Variants in CGREF1 observed in about 807,000 individuals in gnomAD.
CGREF1 encodes cell growth regulator with EF hand domain protein 1.
CGREF1 carries 16 observed loss-of-function variants against 17.4 expected under a neutral mutation model. The observed-to-expected ratio is 0.92, with a 90% CI of 0.62 to 1.40. The LOEUF (loss-of-function observed/expected upper bound fraction) is 1.40. CGREF1 is among the 40% of genes most tolerant of loss of function. CGREF1 has a pLI of 0.00. For synonymous variants in CGREF1, 142 were observed against 154.6 expected, an observed-to-expected ratio of 0.92 and a Z score of 0.61; for missense variants, 296 against 376.4, an observed-to-expected ratio of 0.79 and a Z score of 1.77.
At chr2:27,103,171 C>T in intron 2 of CGREF1, 1 of 946,668 alleles carries the variant, frequency 1.1e-6, no homozygotes, top group Non-Finnish European at 1.3e-6. Context: ...CCAAGTCAAT[C>T]CAGACCTGTG....
Position 27,102,610 on chromosome 2 carries a change from G to A in CGREF1, c.81-19C>T. 1 of 1,606,216 alleles carries A rather than the reference G, an allele frequency of 6.2e-7. No individual in the cohort carries two copies. The highest frequency in any genetic ancestry group is 1.1e-5 in the South Asian group (1 of 90,838). On this transcript the variant is annotated intron_variant, in intron 2 of 5. Coordinates refer to ENST00000402394, the MANE Select transcript of CGREF1 (RefSeq NM_006569.6). The stretch of plus-strand genomic sequence containing the variant: ...GTCTGGCCTGGAGGAGGAAGGGGAG[G>A]ACCAGCCTTGCAGAGAGCCTCCCTC...
intron 1 of CGREF1, among the ~76,000 whole-genome samples, chr2:27,116,037 A>AC (rs35049337): frequency 1.8e-3 from 267 of 150,614 alleles, no homozygotes; most frequent in South Asian, 8.9e-3. Context: ...GCAAAATGAG[A>AC]CCCCCCCCAT....
At chr2:27,103,534 G>A (rs968424767) in intron 2 of CGREF1, among the ~76,000 whole-genome samples, 6 of 151,810 alleles carry the variant, frequency 4.0e-5, no homozygotes, top group African/African-American at 7.2e-5. Flanking sequence ...CACCATGCCC[G>A]GCTAATTGTT....
At chr2:27,104,777 G>A (rs1671054840) in intron 1 of CGREF1, 2 of 1,472,460 alleles carry the variant, frequency 1.4e-6, no homozygotes, top group African/African-American at 2.8e-5. Context: ...AAAAGGCCAG[G>A]TAAGAAACGC....
intron 1 of CGREF1, among the ~76,000 whole-genome samples, chr2:27,113,789 C>T (rs1671475769): frequency 6.6e-6 from 1 of 152,060 alleles, no homozygotes; most frequent in African/African-American, 2.4e-5. Context: ...AGGCCTTTTT[C>T]CTTCCAAGAG....
rs1403307701 is a variant in CGREF1 at position 27,101,598 on chromosome 2, C to G, written c.633G>C (p.Gln211His). The G allele has an allele frequency of 4.3e-6, 7 of 1,614,018 alleles. No individual in the cohort carries two copies. The highest frequency in any genetic ancestry group is 5.9e-6 in the Non-Finnish European group (7 of 1,180,026). The change falls in exon 6 of 6, where the codon CAG (glutamine) becomes CAC (histidine). Residue 211 changes from glutamine (Q) to histidine (H), a missense_variant. By Grantham distance (24) the Gln-to-His change is conservative. This residue lies in a region of CGREF1 where 247 missense variants were observed against 267.2 expected (regional missense o/e 0.92). Coordinates refer to ENST00000402394, the MANE Select transcript of CGREF1 (RefSeq NM_006569.6). The part of the protein sequence containing the change: ...SLDPVQEPGG[Q>H]AEADGDVPGP... ...CTGGAACATCTCCATCAGCCTCTGCCTGGCCCCCAGGCTCCTGGACAGGAT... is the reference window on the plus strand; with the variant it reads ...CTGGAACATCTCCATCAGCCTCTGCGTGGCCCCCAGGCTCCTGGACAGGAT...
At chr2:27,105,238 C>T (rs6760701) in intron 1 of CGREF1, among the ~76,000 whole-genome samples, 148,771 of 152,274 alleles carry the variant, frequency 0.98, 72,769 homozygotes, top group East Asian at 1. Context: ...GAAAGAAAAA[C>T]CGTCAGATGC....
intron 1 of CGREF1, chr2:27,104,854 A>G: frequency 1.8e-5 from 25 of 1,390,686 alleles, no homozygotes; most frequent in Non-Finnish European, 2.4e-5. Flanking sequence ...TGTGTTTATT[A>G]AAAACCCACT....
chr2:27,104,551 T>A (rs1218179955), intron 1 of CGREF1, 174 bp from the exon 2 acceptor site: 2 of 1,550,678 alleles, frequency 1.3e-6, no homozygotes, highest in East Asian at 4.9e-5. Context: ...CATGGAACTA[T>A]GCTCAAAATA....
chr2:27,109,833 C>G (rs1362679068), intron 1 of CGREF1, among the ~76,000 whole-genome samples: 1 of 124,240 alleles, frequency 8.0e-6, no homozygotes, highest in Non-Finnish European at 1.6e-5. Context: ...TGTGGTGAGC[C>G]GAGATCACAC....
intron 1 of CGREF1, among the ~76,000 whole-genome samples, chr2:27,116,871 T>TTCTCTCTCTCTCTCCCTCTCTC (rs1671587401): frequency 3.0e-5 from 1 of 33,680 alleles, no homozygotes; most frequent in Non-Finnish European, 5.9e-5. Flanking sequence ...GCCAGGCCTA[T>TTCTCTCTCTCTCTCCCTCTCTC]TCTCTCTCTC....
chr2:27,104,820 A>C, intron 1 of CGREF1: 1 of 1,444,888 alleles, frequency 6.9e-7, no homozygotes, highest in Non-Finnish European at 9.1e-7. Flanking sequence ...ACTTAAACAC[A>C]GGCAAAAAGA....
intron 1 of CGREF1, among the ~76,000 whole-genome samples, chr2:27,108,768 A>C (rs184741337): frequency 6.6e-6 from 1 of 152,224 alleles, no homozygotes; most frequent in Admixed American, 6.5e-5. Context: ...ATATTCTAGA[A>C]TTCTATTCTC....
chr2:27,107,305 AGTGCC>A (rs552334668), intron 1 of CGREF1, among the ~76,000 whole-genome samples: 211 of 151,930 alleles, frequency 1.4e-3, no homozygotes, highest in African/African-American at 4.9e-3. Context: ...CCCAGGCTGG[AGTGCC>A]GTGGTGCAAT....
At chr2:27,107,717 G>A (rs759199314) in intron 1 of CGREF1, among the ~76,000 whole-genome samples, 1 of 150,402 alleles carries the variant, frequency 6.6e-6, no homozygotes, top group Non-Finnish European at 1.5e-5. Flanking sequence ...GGTGGATCAC[G>A]AGGTCAGGTG....
intron 1 of CGREF1, chr2:27,104,673 G>A: frequency 6.4e-7 from 1 of 1,550,556 alleles, no homozygotes; most frequent in African/African-American, 1.4e-5. Context: ...TCCCCACTAG[G>A]TGCCAAGGTG....
At chr2:27,110,823 C>T (rs887446213) in intron 1 of CGREF1, 1 of 152,696 alleles carries the variant, frequency 6.5e-6, no homozygotes, top group African/African-American at 2.4e-5. Flanking sequence ...TTCGAAGTTT[C>T]TTCCTTCTGG....
chr2:27,100,975 C>T lies in CGREF1; in HGVS notation c.*299G>A. 8.4e-7 allele frequency: 1 copy of T among 1,196,322 alleles called. No homozygotes were observed. The highest frequency in any genetic ancestry group is 1.0e-6 in the Non-Finnish European group (1 of 963,566). 74.1% of individuals were successfully genotyped at this position (1,196,322 alleles called of 1,614,324 possible). A position where few individuals can be genotyped will look rare whatever the true frequency, so the allele number is the denominator to read the frequency against. ...CTCTGCTGCCGGAGCACCGTGAGGC[C>T]CAGAAACACTGGGCAGGCGGCATCC... On this transcript the variant is annotated 3_prime_UTR_variant, in exon 6 of 6. Transcript: ENST00000402394.
chr2:27,107,933 CAAA>C (rs143132359), intron 1 of CGREF1, among the ~76,000 whole-genome samples: 1,572 of 95,786 alleles, frequency 0.016, 28 homozygotes, highest in African/African-American at 0.059. Context: ...GACTCTGTCT[CAAA>C]AAAAAAAAAA....
Sources: allele counts gnomAD v4.1 joint callset (sites outside exome capture counted in the v4.1 genomes callset), GRCh38; gene constraint gnomAD v4.1.1; regional missense constraint gnomAD v4.1.1; transcripts MANE v1.5; gene names NCBI Gene and HGNC (gene_info 2026-07-23, HGNC 2026-07-21).